The following ADCY3 variants were observed in gnomAD, a reference collection of about 807,000 sequenced individuals.
The protein encoded by ADCY3 is adenylate cyclase 3, also known as adenylate cyclase type 3.
In ADCY3, 70 loss-of-function variants were observed where a neutral mutation model predicts 119.4. That is an observed-to-expected ratio of 0.59 (90% CI 0.48 to 0.72). ADCY3 has a LOEUF of 0.72. Ranked by LOEUF, ADCY3 falls within the 30% of genes least tolerant of loss-of-function variation. ADCY3 has a pLI of 0.00. For missense variants in ADCY3, 1,238 were observed against 1,541.6 expected (o/e 0.80, Z 3.30); for synonymous variants, 672 against 621.4 (o/e 1.08, Z -1.21).
chr2:24,874,943 G>T (rs1385326372), intron 2 of ADCY3, among the ~76,000 whole-genome samples: 1 of 152,234 alleles, frequency 6.6e-6, no homozygotes, highest in African/African-American at 2.4e-5. Flanking sequence ...TTCCAGCCTG[G>T]GGTCATAATC....
chr2:24,853,226 G>A lies in ADCY3; in HGVS notation c.826-10842C>T, dbSNP rs76180826. Reference sequence around the variant, plus strand: ...AAGCCAGTGCGATGTGTTTTGAGGTGGAAATGGCTGCGCGCCTCAGGACAC... The same window carrying A: ...AAGCCAGTGCGATGTGTTTTGAGGTAGAAATGGCTGCGCGCCTCAGGACAC... On this transcript the variant is annotated intron_variant, in intron 3 of 21. Transcript: ENST00000679454. 9.0e-3 allele frequency among the ~76,000 whole-genome samples: 1,376 copies of A among 152,170 alleles called. 28 individuals are homozygous for A. The highest frequency in any genetic ancestry group is 0.031 in the African/African-American group (1,283 of 41,502).
chr2:24,831,240 A>AAC (rs1669455542), intron 12 of ADCY3, among the ~76,000 whole-genome samples: 1 of 151,512 alleles, frequency 6.6e-6, no homozygotes, highest in South Asian at 2.1e-4. Context: ...TAAAAAAAAA[A>AAC]AAAACTCTGC....
At chr2:24,894,391 C>T (rs1678023976) in intron 2 of ADCY3, among the ~76,000 whole-genome samples, 2 of 152,124 alleles carry the variant, frequency 1.3e-5, no homozygotes, top group African/African-American at 2.4e-5. Flanking sequence ...AGGAGAAGAC[C>T]TTGAGCCCAG....
intron 2 of ADCY3, among the ~76,000 whole-genome samples, chr2:24,885,943 G>A (rs1676972607): frequency 2.0e-5 from 3 of 152,192 alleles, no homozygotes; most frequent in Admixed American, 2.0e-4. Context: ...GGCACATGCT[G>A]TAGCCCCTAT....
chr2:24,845,233 TGGAAC>T (rs1671528348), intron 3 of ADCY3, among the ~76,000 whole-genome samples: 2 of 152,224 alleles, frequency 1.3e-5, no homozygotes, highest in African/African-American at 4.8e-5. Flanking sequence ...GAAGTGACTT[TGGAAC>T]TGGGTAACAG....
chr2:24,823,112 A>C (rs952771395), intron 18 of ADCY3, 97 bp downstream of exon 18: 1 of 1,431,252 alleles, frequency 7.0e-7, no homozygotes. Context: ...ATCTGGGAAA[A>C]TGAAGCCAGT....
chr2:24,902,081 G>GT (rs1327235990), intron 2 of ADCY3, among the ~76,000 whole-genome samples: 28,300 of 95,938 alleles, frequency 0.29, 5,524 homozygotes, highest in East Asian at 0.35. Context: ...TGTGTATTTG[G>GT]TTTTTTTTTT....
At chr2:24,916,556 C>A (rs764695274) in intron 2 of ADCY3, among the ~76,000 whole-genome samples, 43 of 152,226 alleles carry the variant, frequency 2.8e-4, no homozygotes, top group Non-Finnish European at 7.3e-5. Flanking sequence ...GAGGCGCGTG[C>A]CTGTCATCGC....
In ADCY3 at chr2:24,918,811, C is replaced by A; in HGVS notation, c.177G>T (p.Pro59=). The change falls in exon 2 of 22, where the codon CCG becomes CCT. Residue 59 remains proline (P), a synonymous_variant. Transcript: ENST00000679454. This position sits in a 1 kb window ranked among gnomAD's most constrained non-coding sequence, Gnocchi z 5.4. ...LPRFMRLTFV[P]ESLENLYQTY... is the part of the protein sequence containing the mutation. ...TCTGGTAGAGGTTCTCCAAGGACTC[C>A]GGCACGAAAGTCAGCCGCATGAAGC... is the stretch of plus-strand genomic sequence containing the variant. 2 of 1,613,766 alleles carry A rather than the reference C, an allele frequency of 1.2e-6. No individual in the cohort carries two copies. Among genetic ancestry groups the A allele is most frequent in the Non-Finnish European group, 8.5e-7 (1 of 1,180,034 alleles).
chr2:24,820,665 G>C, intron 21 of ADCY3, 59 bp downstream of exon 21: 2 of 1,607,016 alleles, frequency 1.2e-6, no homozygotes, highest in Non-Finnish European at 1.7e-6. Flanking sequence ...GGAAAGCACT[G>C]TTCCGGTTTT....
chr2:24,865,804 A>T (rs994598934), intron 3 of ADCY3, among the ~76,000 whole-genome samples: 1 of 152,194 alleles, frequency 6.6e-6, no homozygotes, highest in Non-Finnish European at 1.5e-5. Context: ...AAACAACCAA[A>T]GCAGCCAGGA....
At chr2:24,876,834 A>G (rs1235741258) in intron 2 of ADCY3, among the ~76,000 whole-genome samples, 1 of 152,238 alleles carries the variant, frequency 6.6e-6, no homozygotes, top group African/African-American at 2.4e-5. Flanking sequence ...TCACGTCACC[A>G]TGACACATGG....
At chr2:24,855,157 C>A (rs1672844721) in intron 3 of ADCY3, among the ~76,000 whole-genome samples, 1 of 151,906 alleles carries the variant, frequency 6.6e-6, no homozygotes, top group South Asian at 2.1e-4. Flanking sequence ...AGGCCCCGGT[C>A]CAGCTTAACC....
At position 24,918,642 on chromosome 2, in the gene ADCY3, C is replaced by G. The variant is rs1358781982; in HGVS notation, c.346G>C (p.Val116Leu). The G allele has an allele frequency of 6.2e-7, 1 of 1,614,144 alleles. No individual in the cohort carries two copies. The highest frequency in any genetic ancestry group is 1.1e-5 in the South Asian group (1 of 91,088). The change falls in exon 2 of 22, where the codon GTG becomes CTG. Residue 116 changes from valine (V) to leucine (L), a missense_variant. Coordinates refer to ENST00000679454, the MANE Select transcript of ADCY3 (RefSeq NM_004036.5). The surrounding 1 kb of genome is among the most constrained non-coding windows in gnomAD (Gnocchi z 5.4). ...AGCACGAAGAGGATGATGTCCAACA[C>G]CAGTCCAATTCCAGCCACGGCGAGG... Reference protein sequence around the residue: ...ASLAVAGIGLVLDIILFVLCK... With the variant: ...ASLAVAGIGLLLDIILFVLCK...
chr2:24,913,845 A>G (rs1234662943), intron 2 of ADCY3, among the ~76,000 whole-genome samples: 1 of 152,200 alleles, frequency 6.6e-6, no homozygotes, highest in Non-Finnish European at 1.5e-5. Flanking sequence ...CAGGCTCTTC[A>G]TTCCATGAGA....
At chr2:24,823,136 G>A (rs1220408365) in intron 18 of ADCY3, 73 bp downstream of exon 18, 6 of 1,517,904 alleles carry the variant, frequency 4.0e-6, no homozygotes, top group Admixed American at 2.2e-5. Context: ...TCTGGCCTCT[G>A]CAGCCTATTG....
intron 2 of ADCY3, among the ~76,000 whole-genome samples, chr2:24,900,111 C>A (rs1380794005): frequency 7.0e-6 from 1 of 143,064 alleles, no homozygotes. Flanking sequence ...ATGAAGTTGC[C>A]TTTTTTTTTT....
intron 2 of ADCY3, among the ~76,000 whole-genome samples, chr2:24,882,025 A>G (rs751570575): frequency 9.2e-5 from 14 of 152,252 alleles, no homozygotes; most frequent in Non-Finnish European, 4.4e-5. Flanking sequence ...AGTGTTCACA[A>G]TGAACTTTTT....
At chr2:24,875,799 G>A (rs546830306) in intron 2 of ADCY3, among the ~76,000 whole-genome samples, 1 of 152,326 alleles carries the variant, frequency 6.6e-6, no homozygotes, top group East Asian at 1.9e-4. Flanking sequence ...GGCAGGTGAT[G>A]TCACTCTGGT....
Sources: gnomAD v4.1 joint callset for allele counts (sites outside exome capture counted in the v4.1 genomes callset) on GRCh38, gnomAD v4.1.1 for gene constraint, Gnocchi (gnomAD v3.1) non-coding constraint, MANE v1.5 for transcripts, NCBI Gene and HGNC (gene_info 2026-07-23, HGNC 2026-07-21) for gene names.